The following COA1 variants were observed in gnomAD, a reference collection of about 807,000 sequenced individuals.
COA1 encodes the protein cytochrome c oxidase assembly factor 1 homolog.
COA1 carries 13 observed loss-of-function variants against 16.0 expected under a neutral mutation model. The observed-to-expected ratio is 0.81, with a 90% CI of 0.53 to 1.29. The LOEUF (loss-of-function observed/expected upper bound fraction) is 1.29, where lower values mean the gene tolerates loss of function less well. Ranked by LOEUF, COA1 falls within the 50% of genes most tolerant of loss-of-function variation. The probability of loss-of-function intolerance (pLI) is 0.00; values close to 1 mark genes in which losing one functional copy is unlikely to be tolerated. For synonymous variants in COA1, 65 were observed against 65.7 expected (o/e 0.99, Z 0.05); for missense variants, 179 against 177.0 (o/e 1.01, Z -0.06).
At position 43,669,639 on chromosome 7, in the gene COA1, T is replaced by A. The variant is rs952083723; in HGVS notation, c.-38-20987A>T. ...GCCTCCTCATATAAGCAGCCACTTT[T>A]CTGACGCACACAGGGTTTTCTCTTT... On this transcript the variant is annotated intron_variant, in intron 1 of 5. Coordinates refer to ENST00000223336, the MANE Select transcript of COA1 (RefSeq NM_018224.4). 5.3e-5 allele frequency among the ~76,000 whole-genome samples: 8 copies of A among 152,190 alleles called. No homozygotes were observed. In the East Asian group the frequency reaches 1.2e-3, roughly 22 times the overall value.
intron 6 of COA1, among the ~76,000 whole-genome samples, chr7:43,614,059 A>G (rs762873155): frequency 6.6e-6 from 1 of 152,206 alleles, no homozygotes; most frequent in Non-Finnish European, 1.5e-5. Context: ...TTAATATACT[A>G]GAACTTTAAT....
chr7:43,615,612 C>T (rs10215478), intron 6 of COA1, among the ~76,000 whole-genome samples: 40,471 of 151,974 alleles, frequency 0.27, 6,090 homozygotes, highest in Non-Finnish European at 0.33. Flanking sequence ...ACAAAGAAAA[C>T]GTGGCCTGCC....
intron 1 of COA1, among the ~76,000 whole-genome samples, chr7:43,687,367 G>A (rs994438353): frequency 2.6e-5 from 4 of 152,110 alleles, no homozygotes; most frequent in East Asian, 1.9e-4. Flanking sequence ...GTGCTTCCTC[G>A]ATAGCTTCAA....
At chr7:43,635,893 G>A (rs2085790567), downstream of COA1, among the ~76,000 whole-genome samples, 1 of 152,138 alleles carries the variant, frequency 6.6e-6, no homozygotes, top group South Asian at 2.1e-4. Flanking sequence ...AGTGTTACAT[G>A]TTTTAGGTGT....
chr7:43,610,197 A>G (rs2082725875), intron 6 of COA1, among the ~76,000 whole-genome samples: 1 of 152,050 alleles, frequency 6.6e-6, no homozygotes, highest in South Asian at 2.1e-4. Context: ...ATACAAAAAA[A>G]TTAGCCAGGC....
chr7:43,642,459 T>A (rs2087427778), intron 4 of COA1, among the ~76,000 whole-genome samples: 1 of 151,876 alleles, frequency 6.6e-6, no homozygotes, highest in African/African-American at 2.4e-5. Flanking sequence ...CAAGAAAAAA[T>A]TTTAAAAAAG....
intron 6 of COA1, among the ~76,000 whole-genome samples, chr7:43,618,641 A>C (rs1340612638): frequency 6.6e-6 from 1 of 152,230 alleles, no homozygotes; most frequent in Non-Finnish European, 1.5e-5. Flanking sequence ...TGTTTTAAAA[A>C]TTTAATGAAT....
chr7:43,705,701 T>C (rs1216826626), intron 1 of COA1, among the ~76,000 whole-genome samples: 1 of 152,214 alleles, frequency 6.6e-6, no homozygotes, highest in Non-Finnish European at 1.5e-5. Flanking sequence ...ACAAACCCTC[T>C]GGGCTCCATG....
At chr7:43,637,940 CAGAT>C (rs1449973130), downstream of COA1, among the ~76,000 whole-genome samples, 1 of 152,108 alleles carries the variant, frequency 6.6e-6, no homozygotes, top group South Asian at 2.1e-4. Context: ...AGAGAACAGA[CAGAT>C]AGGAAGCACC....
chr7:43,706,775 T>C (rs2094997260), intron 1 of COA1, among the ~76,000 whole-genome samples: 1 of 147,854 alleles, frequency 6.8e-6, no homozygotes, highest in Non-Finnish European at 1.5e-5. Context: ...GAGGCTGAGA[T>C]GGGAGGATTG....
At chr7:43,624,789 T>C in intron 6 of COA1, 4 of 1,610,706 alleles carry the variant, frequency 2.5e-6, no homozygotes, top group Non-Finnish European at 3.4e-6. Flanking sequence ...TTCCAAACGA[T>C]TTAAATTTGA....
At chr7:43,666,472 T>C (rs879150180) in intron 1 of COA1, among the ~76,000 whole-genome samples, 1 of 152,232 alleles carries the variant, frequency 6.6e-6, no homozygotes, top group Admixed American at 6.5e-5. Context: ...CAATCTTCTA[T>C]ATGTTTGTGT....
At chr7:43,720,623 C>T (rs778524639) in intron 1 of COA1, among the ~76,000 whole-genome samples, 2 of 151,802 alleles carry the variant, frequency 1.3e-5, no homozygotes, top group Admixed American at 6.6e-5. Flanking sequence ...TTCTGTGCAA[C>T]GAGAGAGGTA....
chr7:43,674,387 T>C (rs2093415229), intron 1 of COA1, among the ~76,000 whole-genome samples: 1 of 152,238 alleles, frequency 6.6e-6, no homozygotes, highest in African/African-American at 2.4e-5. Flanking sequence ...GTAGAAACTG[T>C]GTGTTACTTG....
intron 6 of COA1, among the ~76,000 whole-genome samples, chr7:43,614,303 T>G (rs922979813): frequency 6.6e-6 from 1 of 152,226 alleles, no homozygotes; most frequent in Admixed American, 6.5e-5. Context: ...TCCACTGTTA[T>G]CACCTCTCTA....
At chr7:43,611,478 G>A (rs142117321) in intron 6 of COA1, among the ~76,000 whole-genome samples, 176 of 152,282 alleles carry the variant, frequency 1.2e-3, no homozygotes, top group African/African-American at 4.1e-3. Flanking sequence ...ACGCTGAGGT[G>A]GCCTGATGTT....
intron 2 of COA1, chr7:43,648,293 C>A (rs1308913537): frequency 6.1e-6 from 3 of 493,014 alleles, no homozygotes; most frequent in Non-Finnish European, 1.1e-5. Context: ...CAGAGCATCT[C>A]TGAAGAATGT....
At chr7:43,691,590 ACT>A (rs1400859459) in intron 1 of COA1, among the ~76,000 whole-genome samples, 3 of 152,110 alleles carry the variant, frequency 2.0e-5, no homozygotes, top group Non-Finnish European at 2.9e-5. Flanking sequence ...GAGGAGACAA[ACT>A]CTGGGTGAAT....
downstream of COA1, among the ~76,000 whole-genome samples, chr7:43,636,604 T>TGTTAA (rs2085917680): frequency 6.6e-6 from 1 of 152,208 alleles, no homozygotes; most frequent in African/African-American, 2.4e-5. Flanking sequence ...AAGGAACTAT[T>TGTTAA]GTTAAGTTCT....
Sources: gnomAD v4.1 joint callset for allele counts (sites outside exome capture counted in the v4.1 genomes callset) on GRCh38, gnomAD v4.1.1 for gene constraint, MANE v1.5 for transcripts, NCBI Gene and HGNC (gene_info 2026-07-23, HGNC 2026-07-21) for gene names.